The following TOX3 variants were observed in gnomAD, a reference collection of about 807,000 sequenced individuals.
The protein encoded by TOX3 is TOX high mobility group box family member 3.
In TOX3, 22 loss-of-function variants were observed where a neutral mutation model predicts 64.3. That is an observed-to-expected ratio of 0.34 (90% CI 0.24 to 0.49). The LOEUF is 0.49. TOX3 is among the 20% of genes least tolerant of loss of function. TOX3 has a pLI of 0.99. For missense variants in TOX3, 661 were observed against 714.4 expected (o/e 0.93, Z 0.85); for synonymous variants, 291 against 273.6 (o/e 1.06, Z -0.63).
In TOX3 at chr16:52,516,913, T is replaced by TC. The variant is rs200215414; in HGVS notation, c.87+29723dup. Among the ~76,000 whole-genome samples, 1,211 of 152,168 alleles carry TC rather than the reference T, an allele frequency of 8.0e-3. 18 individuals are homozygous for TC. The highest frequency in any genetic ancestry group is 0.028 in the African/African-American group (1,157 of 41,488). On this transcript the variant is annotated intron_variant, in intron 1 of 6. Transcript: ENST00000219746. ...TTTTATTGTATGTAACATATCTGAC[T>TC]CCCCGACCAAAAAAACCAAAACTCT...
At chr16:52,504,322 C>T (rs533285588) in intron 1 of TOX3, among the ~76,000 whole-genome samples, 1 of 152,108 alleles carries the variant, frequency 6.6e-6, no homozygotes, top group Non-Finnish European at 1.5e-5. Context: ...AAAAAATTAG[C>T]CAGGCGTGGT....
chr16:52,465,853 G>T (rs1006600686), intron 2 of TOX3, among the ~76,000 whole-genome samples: 3 of 152,104 alleles, frequency 2.0e-5, no homozygotes, highest in African/African-American at 7.2e-5. Flanking sequence ...TTCTTAGCAG[G>T]CTCAATATAT....
intron 2 of TOX3, among the ~76,000 whole-genome samples, chr16:52,466,897 AT>A (rs1356613358): frequency 2.6e-5 from 4 of 152,240 alleles, no homozygotes; most frequent in Admixed American, 6.5e-5. Flanking sequence ...TTATAAAAAA[AT>A]AACCACATAT....
Position 52,439,535 on chromosome 16 carries a change from T to G in TOX3, c.1421A>C (p.Gln474Pro). ...LQQHQMHQQI[Q>P]QQMQQQHFQH... ...GAAATGCTGCTGCTGCATCTGCTGC[T>G]GGATTTGCTGATGCATTTGGTGCTG... Residue 474 changes from glutamine to proline, a missense_variant, in exon 7 of 7, where the codon CAG (glutamine) becomes CCG (proline). Gln to Pro is a moderately conservative substitution (Grantham distance 76, BLOSUM62 -1). Coordinates refer to ENST00000219746, the MANE Select transcript of TOX3 (RefSeq NM_001080430.4). The G allele has an allele frequency of 6.9e-7, 1 of 1,458,236 alleles. No homozygotes were observed. Among genetic ancestry groups the G allele is most frequent in the Non-Finnish European group, 9.4e-7 (1 of 1,060,376 alleles). 90.3% of individuals were successfully genotyped at this position (1,458,236 alleles called of 1,614,324 possible).
chr16:52,502,454 C>T (rs1962029134), intron 1 of TOX3, among the ~76,000 whole-genome samples: 1 of 152,036 alleles, frequency 6.6e-6, no homozygotes, highest in Non-Finnish European at 1.5e-5. Flanking sequence ...TCTAAAAATC[C>T]ATATTCAACA....
chr16:52,466,745 C>T (rs1320402690), intron 2 of TOX3, among the ~76,000 whole-genome samples: 2 of 152,064 alleles, frequency 1.3e-5, no homozygotes, highest in Non-Finnish European at 2.9e-5. Context: ...AAGCATATTA[C>T]AATATCCTAA....
Position 52,439,435 on chromosome 16 carries a change from C to G in TOX3, c.1521G>C (p.Gln507His), listed in dbSNP as rs1959868433. The G allele has an allele frequency of 6.5e-7, 1 of 1,532,286 alleles. No individual in the cohort carries two copies. The highest frequency in any genetic ancestry group is 8.9e-7 in the Non-Finnish European group (1 of 1,126,956). 94.9% of individuals were successfully genotyped at this position (1,532,286 alleles called of 1,614,324 possible). A position where few individuals can be genotyped will look rare whatever the true frequency, so the allele number is the denominator to read the frequency against. The change falls in exon 7 of 7, where the codon CAG becomes CAC. Residue 507 changes from glutamine to histidine, a missense_variant. By Grantham distance (24) the Gln-to-His change is conservative. This residue lies in a region of TOX3 where 299 missense variants were observed against 292.1 expected (regional missense o/e 1.02). Transcript: ENST00000219746. ...LQQQINQQQL[Q>H]QQLQQRLQLQ... ...GCTGGAGGCGCTGCTGCAGCTGCTGCTGCAGCTGCTGTTGATTAATTTGCT... is the reference window on the plus strand; with the variant it reads ...GCTGGAGGCGCTGCTGCAGCTGCTGGTGCAGCTGCTGTTGATTAATTTGCT...
At chr16:52,444,244 T>A (rs1168128134) in intron 6 of TOX3, 32 bp downstream of exon 6, 5 of 1,508,140 alleles carry the variant, frequency 3.3e-6, no homozygotes, top group Admixed American at 4.0e-5. Context: ...CTGTGACTAT[T>A]TTGGAGCCTG....
chr16:52,521,310 T>C (rs1962601780), intron 1 of TOX3, among the ~76,000 whole-genome samples: 1 of 152,188 alleles, frequency 6.6e-6, no homozygotes, highest in African/African-American at 2.4e-5. Flanking sequence ...AGCCTACCAA[T>C]GGTAGAAGCC....
chr16:52,495,698 C>A (rs946841952), intron 1 of TOX3, among the ~76,000 whole-genome samples: 2 of 152,154 alleles, frequency 1.3e-5, no homozygotes, highest in African/African-American at 4.8e-5. Context: ...ACAACTCATG[C>A]CTTTCCAGAG....
chr16:52,523,726 G>A (rs769903304), intron 1 of TOX3, among the ~76,000 whole-genome samples: 2 of 152,142 alleles, frequency 1.3e-5, no homozygotes, highest in African/African-American at 4.8e-5. Flanking sequence ...CCTGATGAAC[G>A]AGACTTTTTT....
At position 52,446,009 on chromosome 16, in the gene TOX3, T is replaced by C; in HGVS notation, c.891A>G (p.Gly297=). The C allele has an allele frequency of 1.2e-6, 2 of 1,613,770 alleles. No homozygotes were observed. The highest frequency in any genetic ancestry group is 8.5e-7 in the Non-Finnish European group (1 of 1,179,696). Residue 297 remains glycine (G), a synonymous_variant, in exon 5 of 7, where the codon GGA becomes GGG. Coordinates refer to ENST00000219746, the MANE Select transcript of TOX3 (RefSeq NM_001080430.4). ...KIVASMWDSL[G]EEQKQVYKRK... is the part of the protein sequence containing the mutation. ...TTTGTCTCACCTGCTTTTGTTCTTC[T>C]CCAAGGCTGTCCCACATAGATGCTA...
chr16:52,457,279 A>G (rs1960548166), intron 3 of TOX3, among the ~76,000 whole-genome samples: 1 of 152,176 alleles, frequency 6.6e-6, no homozygotes, highest in Non-Finnish European at 1.5e-5. Flanking sequence ...AATATTACAC[A>G]TTATTATTCT....
chr16:52,511,423 C>T (rs45588737), intron 1 of TOX3, among the ~76,000 whole-genome samples: 3,793 of 152,130 alleles, frequency 0.025, 68 homozygotes, highest in Non-Finnish European at 0.041. Context: ...ACCTGGGAGG[C>T]GGAGGTTGCA....
At chr16:52,453,662 C>T (rs1003000288) in intron 3 of TOX3, among the ~76,000 whole-genome samples, 3 of 152,142 alleles carry the variant, frequency 2.0e-5, no homozygotes, top group Admixed American at 1.3e-4. Flanking sequence ...TTCTCATTAG[C>T]AGAGAGTTAC....
intron 1 of TOX3, among the ~76,000 whole-genome samples, chr16:52,483,682 C>T (rs1373656430): frequency 1.3e-5 from 2 of 149,428 alleles, no homozygotes; most frequent in African/African-American, 4.9e-5. Context: ...CATTCTCCTG[C>T]CTCAGCCTCC....
At chr16:52,488,622 A>G (rs1463002291) in intron 1 of TOX3, among the ~76,000 whole-genome samples, 1 of 152,186 alleles carries the variant, frequency 6.6e-6, no homozygotes, top group Admixed American at 6.5e-5. Flanking sequence ...TAAAAAAGTA[A>G]AGCAGACTCA....
At chr16:52,542,080 G>A (rs1257982729) in intron 1 of TOX3, among the ~76,000 whole-genome samples, 5 of 152,186 alleles carry the variant, frequency 3.3e-5, no homozygotes, top group Non-Finnish European at 7.3e-5. Context: ...GCAGGATGTG[G>A]ATGCATTTTA....
At chr16:52,495,357 G>GATTATC (rs1431048477) in intron 1 of TOX3, among the ~76,000 whole-genome samples, 10 of 152,084 alleles carry the variant, frequency 6.6e-5, no homozygotes, top group African/African-American at 2.2e-4. Flanking sequence ...CTCCACTAAT[G>GATTATC]ATTATCAAAT....
Sources: allele counts gnomAD v4.1 joint callset (sites outside exome capture counted in the v4.1 genomes callset), GRCh38; gene constraint gnomAD v4.1.1; regional missense constraint gnomAD v4.1.1; transcripts MANE v1.5; gene names NCBI Gene and HGNC (gene_info 2026-07-23, HGNC 2026-07-21).